DIAPH3: variants seen among roughly 807,000 people sequenced by gnomAD.
DIAPH3 encodes the protein diaphanous related formin 3.
DIAPH3 carries 117 observed loss-of-function variants against 144.3 expected under a neutral mutation model. The ratio of observed to expected loss-of-function variants is 0.81; its 90% CI spans 0.70 to 0.95. DIAPH3 has a LOEUF of 0.95. Among genes scored for constraint, DIAPH3 ranks in the 40% least tolerant of loss-of-function variants. The pLI is 0.00. For synonymous variants in DIAPH3, 519 were observed against 488.9 expected (o/e 1.06, Z -0.81); for missense variants, 1,421 against 1,412.7 (o/e 1.01, Z -0.09).
At chr13:60,088,981 T>A (rs1367458372) in intron 4 of DIAPH3, among the ~76,000 whole-genome samples, 1 of 152,160 alleles carries the variant, frequency 6.6e-6, no homozygotes, top group Non-Finnish European at 1.5e-5. Flanking sequence ...TAAATCTTGT[T>A]CAGAATAGAT....
At chr13:60,071,291 G>A (rs2057196661) in intron 4 of DIAPH3, among the ~76,000 whole-genome samples, 1 of 152,022 alleles carries the variant, frequency 6.6e-6, no homozygotes, top group African/African-American at 2.4e-5. Context: ...CTCCCATCAG[G>A]ACAGACAATA....
At position 59,892,397 on chromosome 13, in the gene DIAPH3, T is replaced by C. The variant is rs558077988; in HGVS notation, c.2368-12929A>G. 2.6e-5 allele frequency among the ~76,000 whole-genome samples: 4 copies of C among 151,954 alleles called. No individual in the cohort carries two copies. The East Asian group carries it at 7.7e-4, about 29-fold the overall frequency. On this transcript the variant is annotated intron_variant, in intron 20 of 27. Transcript: ENST00000400324. ...AAATTATCATGAAACTGGAAACCAT[T>C]AGAAGGGTCAAAGAAAAAACTGAAA... is the stretch of plus-strand genomic sequence containing the variant.
intron 2 of DIAPH3, among the ~76,000 whole-genome samples, chr13:60,112,934 C>A (rs2058608335): frequency 6.6e-6 from 1 of 152,124 alleles, no homozygotes; most frequent in African/African-American, 2.4e-5. Flanking sequence ...TCACAAAGAA[C>A]CCAGACTCAT....
intron 20 of DIAPH3, among the ~76,000 whole-genome samples, chr13:59,879,955 G>A (rs2044898601): frequency 6.6e-6 from 1 of 152,142 alleles, no homozygotes; most frequent in South Asian, 2.1e-4. Flanking sequence ...TAGATAGAGG[G>A]AGAGTAAATA....
chr13:60,063,532 T>C (rs893968043), intron 4 of DIAPH3, among the ~76,000 whole-genome samples: 2 of 152,204 alleles, frequency 1.3e-5, no homozygotes, highest in African/African-American at 4.8e-5. Flanking sequence ...CTATGGCAGC[T>C]CCAGCCTTGA....
At chr13:59,983,328 G>A (rs532861533) in intron 13 of DIAPH3, among the ~76,000 whole-genome samples, 2 of 151,234 alleles carry the variant, frequency 1.3e-5, no homozygotes, top group Admixed American at 1.3e-4. Context: ...GTAACATCAG[G>A]CACTGGTCAT....
At chr13:59,820,286 T>A (rs1382194532) in intron 24 of DIAPH3, among the ~76,000 whole-genome samples, 3 of 151,936 alleles carry the variant, frequency 2.0e-5, no homozygotes, top group African/African-American at 7.2e-5. Flanking sequence ...AATGGTTGCA[T>A]CCAATACAAG....
At chr13:59,834,384 A>T (rs2041935256) in intron 23 of DIAPH3, among the ~76,000 whole-genome samples, 1 of 151,764 alleles carries the variant, frequency 6.6e-6, no homozygotes, top group Admixed American at 6.6e-5. Flanking sequence ...GCAAAATTTA[A>T]AACAAATAAA....
At chr13:59,969,364 TA>T (rs1460804936) in intron 17 of DIAPH3, among the ~76,000 whole-genome samples, 16 of 152,210 alleles carry the variant, frequency 1.1e-4, no homozygotes, top group Non-Finnish European at 1.8e-4. Flanking sequence ...AGCAATTAAT[TA>T]AATTATGTGA....
rs565729010 is a variant in DIAPH3 at position 59,907,752 on chromosome 13, A to G, written c.2367+3983T>C. 2.0e-5 allele frequency among the ~76,000 whole-genome samples: 3 copies of G among 152,370 alleles called. No homozygotes were observed. In the South Asian group the frequency reaches 6.2e-4, roughly 32 times the overall value. On this transcript the variant is annotated intron_variant, in intron 20 of 27. Coordinates refer to ENST00000400324, the MANE Select transcript of DIAPH3 (RefSeq NM_001042517.2). The stretch of plus-strand genomic sequence containing the variant: ...GTAACTTAAGTTTCTGAATTACTAT[A>G]TAAGTGACAGATGAACAACTAAGAA...
intron 4 of DIAPH3, among the ~76,000 whole-genome samples, chr13:60,060,448 T>C (rs2056723169): frequency 6.6e-6 from 1 of 152,088 alleles, no homozygotes; most frequent in Non-Finnish European, 1.5e-5. Context: ...TTCTCTTTTA[T>C]GATTAACAGT....
chr13:60,162,782 TACTC>T (rs371284782), intron 1 of DIAPH3, among the ~76,000 whole-genome samples: 1 of 122,962 alleles, frequency 8.1e-6, no homozygotes, highest in African/African-American at 3.0e-5. Flanking sequence ...GCAAATGCTG[TACTC>T]TCTCTCTCTC....
intron 17 of DIAPH3, among the ~76,000 whole-genome samples, chr13:59,954,255 T>C (rs2049260563): frequency 6.6e-6 from 1 of 152,210 alleles, no homozygotes; most frequent in African/African-American, 2.4e-5. Flanking sequence ...TACATTAAAA[T>C]AAGGCAAAAG....
At position 59,904,036 on chromosome 13, in the gene DIAPH3, G is replaced by C. The variant is rs192106862; in HGVS notation, c.2367+7699C>G. Among the ~76,000 whole-genome samples the C allele has an allele frequency of 7.9e-5, 12 of 152,222 alleles. No individual in the cohort carries two copies. In the East Asian group the frequency reaches 2.3e-3, roughly 29 times the overall value. ...GCACAGAGTTCTCTGGTAACAAAGA[G>C]GAAAGATACTGAATTTTGTATAGAA... On this transcript the variant is annotated intron_variant, in intron 20 of 27. Coordinates refer to ENST00000400324, the MANE Select transcript of DIAPH3 (RefSeq NM_001042517.2).
chr13:60,101,390 T>C (rs1594667881), intron 3 of DIAPH3, among the ~76,000 whole-genome samples: 1 of 152,162 alleles, frequency 6.6e-6, no homozygotes, highest in African/African-American at 2.4e-5. Flanking sequence ...CCTCTGACAC[T>C]CCACACCTTG....
intron 18 of DIAPH3, among the ~76,000 whole-genome samples, chr13:59,918,969 T>C (rs1484736484): frequency 6.6e-6 from 1 of 151,180 alleles, no homozygotes; most frequent in Non-Finnish European, 1.5e-5. Context: ...AAAATCAGTA[T>C]TTTTTAACAA....
At chr13:59,724,385 A>C (rs2035505008) in intron 27 of DIAPH3, among the ~76,000 whole-genome samples, 1 of 152,172 alleles carries the variant, frequency 6.6e-6, no homozygotes, top group Non-Finnish European at 1.5e-5. Context: ...TTTCAGATAG[A>C]AAGAATGAGC....
At chr13:60,113,013 AAGAAT>A (rs2058610534) in intron 2 of DIAPH3, among the ~76,000 whole-genome samples, 1 of 152,218 alleles carries the variant, frequency 6.6e-6, no homozygotes, top group Admixed American at 6.5e-5. Flanking sequence ...ACCAGGCATC[AAGAAT>A]AGAAGTATAC....
rs1305078296 is a variant in DIAPH3 at position 59,980,857 on chromosome 13, T to A, written c.1483A>T (p.Ile495Phe). Residue 495 changes from isoleucine (I) to phenylalanine (F), a missense_variant and splice_region_variant, in exon 14 of 28, where the codon ATT becomes TTT. Physicochemically the swap from Ile to Phe is conservative, Grantham distance 21. Transcript: ENST00000400324. ...LDLDLTQFVDICIDQAKLEEF... is the reference protein window; with the variant it reads ...LDLDLTQFVDFCIDQAKLEEF... ...TCTAGTTTTGCTTGATCTATGCAAA[T>A]GTCTAAAATTGCAATGACAGGAAAT... 1.2e-6 allele frequency: 2 copies of A among 1,608,470 alleles called. No individual in the cohort carries two copies. The highest frequency in any genetic ancestry group is 1.7e-6 in the Non-Finnish European group (2 of 1,177,028).
Sources: allele counts gnomAD v4.1 joint callset (sites outside exome capture counted in the v4.1 genomes callset), GRCh38; gene constraint gnomAD v4.1.1; transcripts MANE v1.5; gene names NCBI Gene and HGNC (gene_info 2026-07-23, HGNC 2026-07-21).